Variants in LRWD1 observed in about 807,000 individuals in gnomAD.
LRWD1 encodes the protein leucine rich repeats and WD repeat domain containing 1, also known as leucine-rich repeat and WD repeat-containing protein 1.
In LRWD1, 76 loss-of-function variants were observed where a neutral mutation model predicts 75.6. That is an observed-to-expected ratio of 1.01 (90% CI 0.84 to 1.22). The LOEUF (loss-of-function observed/expected upper bound fraction) is 1.22. Ranked by LOEUF, LRWD1 falls within the 50% of genes most tolerant of loss-of-function variation. The probability of loss-of-function intolerance (pLI) is 0.00; values close to 1 mark genes in which losing one functional copy is unlikely to be tolerated. For missense variants in LRWD1, 917 were observed against 862.0 expected, an observed-to-expected ratio of 1.06 and a Z score of -0.80; for synonymous variants, 487 against 377.0, an observed-to-expected ratio of 1.29 and a Z score of -3.38.
chr7:102,468,591 G>A lies in LRWD1; in HGVS notation c.957G>A (p.Glu319=), dbSNP rs1410117333. The A allele has an allele frequency of 6.3e-7, 1 of 1,577,970 alleles. No homozygotes were observed. Residue 319 remains glutamate, a synonymous_variant, in exon 8 of 15, where the codon GAG becomes GAA. Coordinates refer to ENST00000292616, the MANE Select transcript of LRWD1 (RefSeq NM_152892.3). ...AGACCGTGGCCACGTGCGGCGGGGA[G>A]GCTGTGTGCGTAATTGATTGCCAGA... ...TSQTVATCGG[E]AVCVIDCQTG... is the part of the protein sequence containing the mutation.
chr7:102,467,398 G>T lies in LRWD1; in HGVS notation c.492G>T (p.Lys164Asn). The change falls in exon 4 of 15, where the codon AAG (lysine) becomes AAT (asparagine). Residue 164 changes from lysine (K) to asparagine (N), a missense_variant. By Grantham distance (94) the Lys-to-Asn change is moderately conservative. Coordinates refer to ENST00000292616, the MANE Select transcript of LRWD1 (RefSeq NM_152892.3). ...ATLGPEEEAE[K>N]AQADFVKSAV... The stretch of plus-strand genomic sequence containing the variant: ...TGGGTCCTGAAGAGGAGGCTGAGAA[G>T]GCCCAGGCGGACTTTGTGAAGTCGG... 1 of 1,613,808 alleles carries T rather than the reference G, an allele frequency of 6.2e-7. No individual in the cohort carries two copies. Among genetic ancestry groups the T allele is most frequent in the Admixed American group, 1.7e-5 (1 of 59,970 alleles).
chr7:102,466,410 CTTTA>C (rs67084574), intron 3 of LRWD1, 140 bp downstream of exon 3: 322,900 of 569,934 alleles, frequency 0.57, 97,820 homozygotes, highest in Middle Eastern at 0.64. Flanking sequence ...TGATGTGCTA[CTTTA>C]TTTATTTATT....
chr7:102,465,046 G>C lies in LRWD1; in HGVS notation c.-35G>C. The stretch of plus-strand genomic sequence containing the variant: ...CAGGGCGACGCCACACGCCGGGGTG[G>C]CCGACTGGGTCAGCGCGGGCTGCGC... On this transcript the variant is annotated 5_prime_UTR_variant, in exon 1 of 15. Transcript: ENST00000292616. 6.9e-7 allele frequency: 1 copy of C among 1,450,108 alleles called. No homozygotes were observed. The highest frequency in any genetic ancestry group is 9.1e-7 in the Non-Finnish European group (1 of 1,101,424). 89.8% of individuals were successfully genotyped at this position (1,450,108 alleles called of 1,614,324 possible).
Position 102,469,860 on chromosome 7 carries a change from C to A in LRWD1, c.1420C>A (p.Leu474Met). The change falls in exon 11 of 15, where the codon CTG becomes ATG. Residue 474 changes from leucine (L) to methionine (M), a missense_variant. Transcript: ENST00000292616. ...EGGCCCWDVR[L>M]DQPQKRRVCE... ...CGGCTGCTGCTGCTGGGACGTGCGG[C>A]TGGACCAGCCCCAAAAGAGGAGGTG... is the stretch of plus-strand genomic sequence containing the variant. The A allele has an allele frequency of 6.3e-7, 1 of 1,586,380 alleles. No homozygotes were observed. The highest frequency in any genetic ancestry group is 1.1e-5 in the South Asian group (1 of 87,616).
chr7:102,472,740 A>C lies in LRWD1; in HGVS notation c.1739A>C (p.Tyr580Ser). The change falls in exon 14 of 15, where the codon TAC becomes TCC. Residue 580 changes from tyrosine (Y) to serine (S), a missense_variant. Physicochemically the swap from Tyr to Ser is moderately radical, Grantham distance 144. Transcript: ENST00000292616. The part of the protein sequence containing the change: ...CGDEEGNVWL[Y>S]DVSNILKQPP... ...GATGAGGAGGGCAACGTGTGGCTCT[A>C]CGACGTCAGCAACATCCTGAAGCAG... 6.2e-7 allele frequency: 1 copy of C among 1,613,480 alleles called. No homozygotes were observed. Among genetic ancestry groups the C allele is most frequent in the Non-Finnish European group, 8.5e-7 (1 of 1,179,944 alleles).
Position 102,468,885 on chromosome 7 carries a change from ATGG to A in LRWD1, c.1056_1058del (p.Val353del), listed in dbSNP as rs1798098424. 3 of 1,612,410 alleles carry A rather than the reference ATGG, an allele frequency of 1.9e-6. No individual in the cohort carries two copies. Among genetic ancestry groups the A allele is most frequent in the South Asian group, 2.2e-5 (2 of 91,058 alleles). The stretch of plus-strand genomic sequence containing the variant: ...CTTTTCTGTGGCCTGGACCGCTCTG[ATGG>A]TGGTCACACAGGCTGGCCACAAGAA... On this transcript the variant is annotated inframe_deletion, in exon 9 of 15. Coordinates refer to ENST00000292616, the MANE Select transcript of LRWD1 (RefSeq NM_152892.3).
Position 102,469,564 on chromosome 7 carries a change from C to T in LRWD1, c.1229-10C>T, listed in dbSNP as rs745925200. 3 of 1,613,992 alleles carry T rather than the reference C, an allele frequency of 1.9e-6. No homozygotes were observed. ...AGGGCCACTTCTCCCCTACCCCACCCCCTCTTCAGCGGCCTCCTATGACAA... is the reference window on the plus strand; with the variant it reads ...AGGGCCACTTCTCCCCTACCCCACCTCCTCTTCAGCGGCCTCCTATGACAA... On this transcript the variant is annotated splice_polypyrimidine_tract_variant and intron_variant, in intron 9 of 14. Coordinates refer to ENST00000292616, the MANE Select transcript of LRWD1 (RefSeq NM_152892.3).
chr7:102,471,797 A>C, intron 11 of LRWD1: 1 of 186,748 alleles, frequency 5.4e-6, no homozygotes, highest in Non-Finnish European at 1.1e-5. Context: ...CCCCTGGGCC[A>C]TGGCCCCCCA....
At chr7:102,472,636 T>G in intron 13 of LRWD1, 27 bp downstream of exon 13, 1 of 1,609,990 alleles carries the variant, frequency 6.2e-7, no homozygotes, top group South Asian at 1.1e-5. Flanking sequence ...GCCCGCCCCA[T>G]CCCGCGGGCT....
rs376086325 is a variant in LRWD1 at position 102,472,250 on chromosome 7, G to A, written c.1475G>A (p.Gly492Asp). The A allele has an allele frequency of 3.1e-6, 5 of 1,596,804 alleles. No homozygotes were observed. The highest frequency in any genetic ancestry group is 3.4e-6 in the Non-Finnish European group (4 of 1,170,366). Residue 492 changes from glycine (G) to aspartate (D), a missense_variant, in exon 12 of 15, where the codon GGC (glycine) becomes GAC (aspartate). Gly to Asp is a moderately conservative substitution (Grantham distance 94). Transcript: ENST00000292616. ...GAAGTGGAATTCGTCTTCTCTGAGG[G>A]CTCCGAGGCATCTGGACGGAGAGTG... is the stretch of plus-strand genomic sequence containing the variant. ...VCEVEFVFSE[G>D]SEASGRRVDG...
At chr7:102,472,640 G>T (rs751398823) in intron 13 of LRWD1, 31 bp downstream of exon 13, 4 of 1,610,214 alleles carry the variant, frequency 2.5e-6, no homozygotes, top group Non-Finnish European at 3.4e-6. Context: ...GCCCCATCCC[G>T]CGGGCTTCCG....
chr7:102,468,984 T>C lies in LRWD1; in HGVS notation c.1150T>C (p.Cys384Arg). 3 of 1,612,684 alleles carry C rather than the reference T, an allele frequency of 1.9e-6. No homozygotes were observed. Among genetic ancestry groups the C allele is most frequent in the Non-Finnish European group, 2.5e-6 (3 of 1,179,798 alleles). Reference sequence around the variant, plus strand: ...GCTGCTGCACGTGCGTGCCGGCTTCTGCTGCGGGGTCATCCGAGCCCACAA... The same window carrying C: ...GCTGCTGCACGTGCGTGCCGGCTTCCGCTGCGGGGTCATCCGAGCCCACAA... The part of the protein sequence containing the change: ...VRLLHVRAGF[C>R]CGVIRAHKKA... The change falls in exon 9 of 15, where the codon TGC (cysteine) becomes CGC (arginine). Residue 384 changes from cysteine (C) to arginine (R), a missense_variant. By Grantham distance (180) the Cys-to-Arg change is radical. Transcript: ENST00000292616.
In LRWD1 at chr7:102,468,888, G is replaced by A; in HGVS notation, c.1054G>A (p.Val352Met). The change falls in exon 9 of 15, where the codon GTG (valine) becomes ATG (methionine). Residue 352 changes from valine to methionine, a missense_variant. Physicochemically the swap from Val to Met is conservative, Grantham distance 21 (BLOSUM62 1). Coordinates refer to ENST00000292616, the MANE Select transcript of LRWD1 (RefSeq NM_152892.3). ...FFSVAWTALMVVTQAGHKKRW... is the reference protein window; with the variant it reads ...FFSVAWTALMMVTQAGHKKRW... Reference sequence around the variant, plus strand: ...TTCTGTGGCCTGGACCGCTCTGATGGTGGTCACACAGGCTGGCCACAAGAA... The same window carrying A: ...TTCTGTGGCCTGGACCGCTCTGATGATGGTCACACAGGCTGGCCACAAGAA... The A allele has an allele frequency of 6.2e-7, 1 of 1,612,656 alleles. No homozygotes were observed. The highest frequency in any genetic ancestry group is 8.5e-7 in the Non-Finnish European group (1 of 1,179,990).
chr7:102,465,155 T>C lies in LRWD1; in HGVS notation c.75T>C (p.Ser25=). The change falls in exon 1 of 15, where the codon AGT becomes AGC. Residue 25 remains serine, a synonymous_variant. Transcript: ENST00000292616. ...PKSDRLGKIR[S]LDLSGLELLS... The stretch of plus-strand genomic sequence containing the variant: ...GCGACCGGCTGGGGAAGATCCGGAG[T>C]CTGGAGTAAGAGCCGGGCAGCGGGT... 2.0e-6 allele frequency: 3 copies of C among 1,505,702 alleles called. No individual in the cohort carries two copies. Among genetic ancestry groups the C allele is most frequent in the Non-Finnish European group, 2.7e-6 (3 of 1,130,870 alleles). 93.3% of individuals were successfully genotyped at this position (1,505,702 alleles called of 1,614,324 possible).
At chr7:102,465,224 G>A (rs542580225) in intron 1 of LRWD1, 64 bp downstream of exon 1, 2 of 1,351,344 alleles carry the variant, frequency 1.5e-6, no homozygotes, top group East Asian at 6.2e-5. Flanking sequence ...GAAGAGCGGG[G>A]ACCCTCCCCA....
rs764375542 is a variant in LRWD1 at position 102,468,844 on chromosome 7, C to T, written c.1021-11C>T. ...CTGCCCCAGTGACTGTTTACTCTAA[C>T]CCCCGCCCAGGAGTTCTTTTCTGTG... On this transcript the variant is annotated splice_polypyrimidine_tract_variant and intron_variant, in intron 8 of 14. Coordinates refer to ENST00000292616, the MANE Select transcript of LRWD1 (RefSeq NM_152892.3). 6.2e-6 allele frequency: 10 copies of T among 1,608,422 alleles called. No individual in the cohort carries two copies. Among genetic ancestry groups the T allele is most frequent in the Admixed American group, 1.7e-5 (1 of 59,950 alleles).
intron 4 of LRWD1, 76 bp downstream of exon 4, chr7:102,467,555 G>C (rs912343957): frequency 6.3e-7 from 1 of 1,579,904 alleles, no homozygotes; most frequent in African/African-American, 1.3e-5. Flanking sequence ...TGGCCATGAA[G>C]GGCTGAGGGG....
intron 3 of LRWD1, among the ~76,000 whole-genome samples, chr7:102,467,070 G>GGTGTGT (rs59522694): frequency 0.055 from 7,367 of 133,052 alleles, 973 homozygotes; most frequent in East Asian, 0.37. Flanking sequence ...GGTTGTTGCT[G>GGTGTGT]GTGTGTGTGT....
chr7:102,468,479 G>A (rs1798082675), intron 7 of LRWD1, 75 bp from the exon 8 acceptor site: 2 of 1,539,786 alleles, frequency 1.3e-6, no homozygotes, highest in South Asian at 2.4e-5. Context: ...ATCAAGGCTG[G>A]GAGGAGGAGG....
Sources: allele counts gnomAD v4.1 joint callset (sites outside exome capture counted in the v4.1 genomes callset), GRCh38; gene constraint gnomAD v4.1.1; transcripts MANE v1.5; gene names NCBI Gene and HGNC (gene_info 2026-07-23, HGNC 2026-07-21).